The following CSMD1 variants were observed in gnomAD, a reference collection of about 807,000 sequenced individuals.
CSMD1 encodes the protein CUB and Sushi multiple domains 1.
In CSMD1, 213 loss-of-function variants were observed where a neutral mutation model predicts 417.5. The observed-to-expected ratio is 0.51, with a 90% CI of 0.46 to 0.57. CSMD1 has a LOEUF of 0.57. CSMD1 is among the 20% of genes least tolerant of loss of function. The pLI is 0.00. For synonymous variants in CSMD1, 2,862 were observed against 1,736.8 expected (o/e 1.65, Z -16.11); for missense variants, 6,923 against 4,529.7 (o/e 1.53, Z -15.17).
intron 2 of CSMD1, among the ~76,000 whole-genome samples, chr8:4,625,178 TAC>T (rs1802024945): frequency 6.6e-6 from 1 of 151,864 alleles, no homozygotes; most frequent in South Asian, 2.1e-4. Context: ...TACGGGGAGA[TAC>T]AGAGACCCAC....
intron 20 of CSMD1, among the ~76,000 whole-genome samples, chr8:3,366,447 A>C (rs1339726983): frequency 1.3e-5 from 2 of 152,198 alleles, no homozygotes; most frequent in African/African-American, 4.8e-5. Flanking sequence ...CATACAAATA[A>C]TTTCTGCTGT....
intron 8 of CSMD1, among the ~76,000 whole-genome samples, chr8:3,605,777 T>C (rs898530153): frequency 3.3e-5 from 5 of 152,200 alleles, no homozygotes; most frequent in African/African-American, 7.2e-5. Context: ...TTTTAAGTCA[T>C]AAATAGCACT....
intron 10 of CSMD1, among the ~76,000 whole-genome samples, chr8:3,534,411 T>A (rs1218980738): frequency 6.6e-6 from 1 of 152,072 alleles, no homozygotes; most frequent in Admixed American, 6.5e-5. Context: ...CCTCTTGATC[T>A]TCTCTCCTTT....
chr8:4,525,034 A>G (rs895752221), intron 2 of CSMD1, among the ~76,000 whole-genome samples: 2 of 152,176 alleles, frequency 1.3e-5, no homozygotes, highest in East Asian at 3.9e-4. Flanking sequence ...GAATCAAGAC[A>G]TTCAATATTT....
intron 8 of CSMD1, among the ~76,000 whole-genome samples, chr8:3,601,403 G>A (rs1048935106): frequency 5.9e-5 from 9 of 152,166 alleles, no homozygotes; most frequent in African/African-American, 1.9e-4. Flanking sequence ...ATCAGACGAT[G>A]TTTATGCTAT....
At chr8:3,574,801 C>T in intron 10 of CSMD1, 144 bp downstream of exon 10, 1 of 893,896 alleles carries the variant, frequency 1.1e-6, no homozygotes, top group Non-Finnish European at 1.7e-6. Context: ...AATGTGGCAT[C>T]TAGACACAGG....
At chr8:3,359,540 A>AT (rs35776750) in intron 20 of CSMD1, among the ~76,000 whole-genome samples, 200 bp from the exon 21 acceptor site, 8,239 of 143,652 alleles carry the variant, frequency 0.057, 226 homozygotes, top group Middle Eastern at 0.091. Flanking sequence ...GGGATTTAGT[A>AT]TTTTTTTTTT....
chr8:4,301,834 A>G (rs1797996409), intron 3 of CSMD1, among the ~76,000 whole-genome samples: 1 of 152,106 alleles, frequency 6.6e-6, no homozygotes. Flanking sequence ...CTTTTCAGAA[A>G]GCATCGGTGA....
chr8:3,824,092 A>C (rs1356234767), intron 5 of CSMD1, among the ~76,000 whole-genome samples: 1 of 152,214 alleles, frequency 6.6e-6, no homozygotes, highest in African/African-American at 2.4e-5. Flanking sequence ...AAAATGTCAC[A>C]GTGAAATTAG....
At chr8:3,519,718 C>A (rs1175246564) in intron 10 of CSMD1, among the ~76,000 whole-genome samples, 1 of 152,270 alleles carries the variant, frequency 6.6e-6, no homozygotes, top group Non-Finnish European at 1.5e-5. Flanking sequence ...GCACGCTATA[C>A]AATGGGGTTG....
In CSMD1 at chr8:3,586,277, G is replaced by GA. The variant is rs5888973; in HGVS notation, c.1098-18dup. Reference sequence around the variant, plus strand: ...GCACCAACCCTAAGCCGTTAAAAAAGAAAAAAAAAAACCCAAATTATTTAC... The same window carrying GA: ...GCACCAACCCTAAGCCGTTAAAAAAGAAAAAAAAAAAACCCAAATTATTTAC... On this transcript the variant is annotated splice_polypyrimidine_tract_variant and intron_variant, in intron 8 of 69. Coordinates refer to ENST00000635120, the MANE Select transcript of CSMD1 (RefSeq NM_033225.6). 473,600 of 1,363,490 alleles carry GA rather than the reference G, an allele frequency of 0.35. 38,357 individuals carry two copies. The highest frequency in any genetic ancestry group is 0.37 in the African/African-American group (23,638 of 63,944). 84.5% of individuals were successfully genotyped at this position (1,363,490 alleles called of 1,614,324 possible).
chr8:4,940,039 G>C (rs566784890), intron 1 of CSMD1, among the ~76,000 whole-genome samples: 4 of 152,288 alleles, frequency 2.6e-5, no homozygotes, highest in Admixed American at 6.5e-5. Context: ...CTGCACTCCC[G>C]TCAGAGAAGA....
At chr8:3,874,229 C>T (rs540577024) in intron 5 of CSMD1, among the ~76,000 whole-genome samples, 38 of 152,298 alleles carry the variant, frequency 2.5e-4, no homozygotes, top group Non-Finnish European at 1.3e-4. Flanking sequence ...CTGCAATTTT[C>T]TAAAGGATGA....
At chr8:4,894,596 A>C (rs1804355136) in intron 1 of CSMD1, among the ~76,000 whole-genome samples, 1 of 151,856 alleles carries the variant, frequency 6.6e-6, no homozygotes, top group Non-Finnish European at 1.5e-5. Flanking sequence ...CAATATTGTG[A>C]ATGAAATAAT....
intron 8 of CSMD1, among the ~76,000 whole-genome samples, chr8:3,602,328 C>G (rs1469864167): frequency 2.0e-5 from 3 of 152,130 alleles, no homozygotes; most frequent in South Asian, 2.1e-4. Flanking sequence ...AACACTAACT[C>G]TCTTCTTTCC....
At chr8:4,075,358 C>A (rs1338050814) in intron 3 of CSMD1, among the ~76,000 whole-genome samples, 1 of 151,980 alleles carries the variant, frequency 6.6e-6, no homozygotes, top group Non-Finnish European at 1.5e-5. Context: ...AGATGAAGTG[C>A]TGAATTTTTT....
chr8:2,949,086 T>C (rs973242818), intron 68 of CSMD1, among the ~76,000 whole-genome samples: 4 of 152,068 alleles, frequency 2.6e-5, no homozygotes, highest in African/African-American at 4.8e-5. Flanking sequence ...GAAGATATGA[T>C]GTCTGGCACA....
chr8:4,549,843 G>C lies in CSMD1; in HGVS notation c.302+87499C>G, dbSNP rs548490864. 2.0e-4 allele frequency among the ~76,000 whole-genome samples: 26 copies of C among 131,226 alleles called. No homozygotes were observed. The South Asian group carries it at 4.5e-3, about 23-fold the overall frequency. 86.1% of individuals were successfully genotyped at this position (131,226 alleles called of 152,430 possible). On this transcript the variant is annotated intron_variant, in intron 2 of 69. Transcript: ENST00000635120. ...GCCCAGGAGGCAGAGGTTGCAATGA[G>C]CCAAGATCTTGCCACTGCACTCCAG...
At chr8:4,037,484 T>C (rs904771681) in intron 3 of CSMD1, among the ~76,000 whole-genome samples, 1 of 152,190 alleles carries the variant, frequency 6.6e-6, no homozygotes, top group Non-Finnish European at 1.5e-5. Context: ...TCTCTACAGA[T>C]TTTTTTCTTT....
Sources: gnomAD v4.1 joint callset for allele counts (sites outside exome capture counted in the v4.1 genomes callset) on GRCh38, gnomAD v4.1.1 for gene constraint, MANE v1.5 for transcripts, NCBI Gene and HGNC (gene_info 2026-07-23, HGNC 2026-07-21) for gene names.